Variants in CTNNA2 observed in about 807,000 individuals in gnomAD.
CTNNA2 encodes catenin alpha 2.
CTNNA2 carries 42 observed loss-of-function variants against 101.0 expected under a neutral mutation model. That is an observed-to-expected ratio of 0.42 (90% CI 0.32 to 0.54). CTNNA2 has a LOEUF of 0.54. CTNNA2 is among the 20% of genes least tolerant of loss of function. CTNNA2 has a pLI of 0.14. For synonymous variants in CTNNA2, 450 were observed against 456.4 expected (o/e 0.99, Z 0.18); for missense variants, 871 against 1,223.1 (o/e 0.71, Z 4.29).
intron 7 of CTNNA2, among the ~76,000 whole-genome samples, chr2:80,348,439 C>G (rs769588944): frequency 7.2e-5 from 11 of 152,160 alleles, no homozygotes; most frequent in Non-Finnish European, 1.2e-4. Flanking sequence ...CTTAAAGCAG[C>G]AAGAGCTGAG....
chr2:79,242,353 T>C (rs1025061574), intron 2 of CTNNA2, among the ~76,000 whole-genome samples: 1 of 152,180 alleles, frequency 6.6e-6, no homozygotes, highest in African/African-American at 2.4e-5. Flanking sequence ...AAATACTAAT[T>C]TTTTTGTTTG....
intron 7 of CTNNA2, among the ~76,000 whole-genome samples, chr2:80,087,720 G>T (rs1278736685): frequency 6.6e-6 from 1 of 151,974 alleles, no homozygotes; most frequent in Non-Finnish European, 1.5e-5. Flanking sequence ...GTACGTCTGG[G>T]CTGGGGCCTG....
chr2:79,438,459 G>A (rs542328366), intron 4 of CTNNA2, among the ~76,000 whole-genome samples: 79 of 152,260 alleles, frequency 5.2e-4, no homozygotes, highest in Middle Eastern at 3.4e-3. Context: ...CAGGATGGTC[G>A]GCCCCTCTAG....
chr2:79,719,278 G>A (rs1686319009), intron 2 of CTNNA2, among the ~76,000 whole-genome samples: 1 of 152,130 alleles, frequency 6.6e-6, no homozygotes, highest in African/African-American at 2.4e-5. Context: ...TATTCATGGT[G>A]TGTATGTACC....
At chr2:79,192,162 A>G (rs980264014) in intron 1 of CTNNA2, among the ~76,000 whole-genome samples, 2 of 151,952 alleles carry the variant, frequency 1.3e-5, no homozygotes, top group African/African-American at 4.8e-5. Flanking sequence ...GGGTGTAACG[A>G]GGCGTGACTG....
At chr2:80,534,352 T>G (rs1690806982) in intron 9 of CTNNA2, among the ~76,000 whole-genome samples, 1 of 152,194 alleles carries the variant, frequency 6.6e-6, no homozygotes. Context: ...ATGATAAACT[T>G]ATTTGATTAA....
At chr2:80,267,314 T>G (rs1382837428) in intron 7 of CTNNA2, among the ~76,000 whole-genome samples, 1 of 152,100 alleles carries the variant, frequency 6.6e-6, no homozygotes, top group African/African-American at 2.4e-5. Context: ...AGAATAGATA[T>G]AGCATGGTGG....
chr2:80,571,772 G>A (rs896115984), intron 12 of CTNNA2, among the ~76,000 whole-genome samples: 25 of 152,260 alleles, frequency 1.6e-4, no homozygotes, highest in African/African-American at 5.8e-4. Context: ...TGGATCTGCA[G>A]TTAGCATATC....
chr2:80,626,673 C>T (rs969771895), intron 18 of CTNNA2, among the ~76,000 whole-genome samples: 1 of 151,836 alleles, frequency 6.6e-6, no homozygotes, highest in Admixed American at 6.6e-5. Flanking sequence ...AGATTCAATT[C>T]GAAGTAAGCA....
chr2:80,299,358 TTTC>T (rs1676041066), intron 7 of CTNNA2: 1 of 152,052 alleles, frequency 6.6e-6, no homozygotes, highest in Non-Finnish European at 1.5e-5. Flanking sequence ...ATTCCTGCCG[TTTC>T]CCCCCACCTC....
chr2:79,805,304 C>G (rs186902732), intron 3 of CTNNA2, among the ~76,000 whole-genome samples: 4 of 152,226 alleles, frequency 2.6e-5, no homozygotes, highest in Admixed American at 2.6e-4. Flanking sequence ...AGGATAGGAC[C>G]AAAGTCTAAA....
At chr2:79,783,655 T>C (rs1197608568) in intron 3 of CTNNA2, among the ~76,000 whole-genome samples, 5 of 152,188 alleles carry the variant, frequency 3.3e-5, no homozygotes, top group African/African-American at 1.2e-4. Flanking sequence ...ACCATGTTCA[T>C]CTCCAGGACT....
intron 12 of CTNNA2, among the ~76,000 whole-genome samples, chr2:80,567,376 G>T (rs1238706063): frequency 6.6e-6 from 1 of 152,136 alleles, no homozygotes; most frequent in Admixed American, 6.6e-5. Flanking sequence ...CTGTGAATTG[G>T]AACTTCAGAC....
chr2:79,848,473 T>G (rs1364419490), intron 3 of CTNNA2, among the ~76,000 whole-genome samples: 1 of 152,204 alleles, frequency 6.6e-6, no homozygotes, highest in Non-Finnish European at 1.5e-5. Flanking sequence ...TTCTCATTTG[T>G]GAAGTATGCC....
At chr2:80,415,270 G>GA (rs1391502911) in intron 8 of CTNNA2, among the ~76,000 whole-genome samples, 10 of 152,118 alleles carry the variant, frequency 6.6e-5, no homozygotes, top group African/African-American at 2.4e-4. Flanking sequence ...GGCCATGGGA[G>GA]CCTCCTGTTA....
At chr2:79,337,349 A>G (rs557975005) in intron 3 of CTNNA2, among the ~76,000 whole-genome samples, 1 of 152,220 alleles carries the variant, frequency 6.6e-6, no homozygotes, top group Non-Finnish European at 1.5e-5. Context: ...TAAACAATTC[A>G]ACAAGCAAAA....
intron 3 of CTNNA2, among the ~76,000 whole-genome samples, chr2:79,810,383 G>T (rs1367817980): frequency 6.6e-6 from 1 of 152,046 alleles, no homozygotes; most frequent in East Asian, 1.9e-4. Context: ...TAGGAGAACA[G>T]TATGGGGGAA....
chr2:80,615,306 G>T lies in CTNNA2; in HGVS notation c.2431-3779G>T, dbSNP rs370012267. On this transcript the variant is annotated intron_variant, in intron 17 of 18. Coordinates refer to ENST00000402739, the MANE Select transcript of CTNNA2 (RefSeq NM_001282597.3). Reference sequence around the variant, plus strand: ...CATAAGTCGTTTCTAATTTCCAATGGCAAACAATCAGAGATTCAAAGAGCT... The same window carrying T: ...CATAAGTCGTTTCTAATTTCCAATGTCAAACAATCAGAGATTCAAAGAGCT... Among the ~76,000 whole-genome samples the T allele has an allele frequency of 7.9e-5, 12 of 151,310 alleles. No individual in the cohort carries two copies. In the East Asian group the frequency reaches 9.8e-4, roughly 12 times the overall value.
intron 7 of CTNNA2, among the ~76,000 whole-genome samples, chr2:80,345,583 G>A (rs1672660560): frequency 6.6e-6 from 1 of 151,780 alleles, no homozygotes; most frequent in South Asian, 2.1e-4. Context: ...TAGGAGGCAG[G>A]GATATTTGTA....
Sources: allele counts gnomAD v4.1 joint callset (sites outside exome capture counted in the v4.1 genomes callset), GRCh38; gene constraint gnomAD v4.1.1; transcripts MANE v1.5; gene names NCBI Gene and HGNC (gene_info 2026-07-23, HGNC 2026-07-21).